Variants in GC observed in about 807,000 individuals in gnomAD.
GC encodes GC vitamin D binding protein.
A neutral mutation model predicts 56.7 loss-of-function variants in GC; 43 were observed. The ratio of observed to expected loss-of-function variants is 0.76; its 90% CI spans 0.59 to 0.98. GC has a LOEUF of 0.98. GC is among the 50% of genes least tolerant of loss of function. The pLI is 0.00. For synonymous variants in GC, 216 were observed against 202.7 expected (o/e 1.07, Z -0.56); for missense variants, 529 against 545.9 (o/e 0.97, Z 0.31).
intron 1 of GC, chr4:71,803,817 A>T (rs569567481): frequency 1.4e-6 from 1 of 707,168 alleles, no homozygotes; most frequent in East Asian, 2.7e-5. Context: ...CTTTGCACAG[A>T]AATCCTCTGT....
intron 6 of GC, among the ~76,000 whole-genome samples, chr4:71,762,788 C>T (rs558739452): frequency 5.9e-5 from 9 of 152,170 alleles, no homozygotes; most frequent in Non-Finnish European, 1.3e-4. Context: ...TAAGATGTGA[C>T]TTGCTCCTCC....
intron 12 of GC, among the ~76,000 whole-genome samples, chr4:71,745,042 G>A (rs774036137): frequency 6.6e-6 from 1 of 152,178 alleles, no homozygotes; most frequent in Non-Finnish European, 1.5e-5. Flanking sequence ...AGTAGTAGGA[G>A]CATCAGTGCA....
In GC at chr4:71,768,759, C is replaced by T. The variant is rs955077178; in HGVS notation, c.129-326G>A. Reference sequence around the variant, plus strand: ...GATTACAGGCGTGAGCCGCCGTGCCCGACCAGAACTGAAACTTTCTTTTTA... The same window carrying T: ...GATTACAGGCGTGAGCCGCCGTGCCTGACCAGAACTGAAACTTTCTTTTTA... On this transcript the variant is annotated intron_variant, in intron 2 of 12. Transcript: ENST00000273951. 3.3e-5 allele frequency among the ~76,000 whole-genome samples: 5 copies of T among 152,178 alleles called. No individual in the cohort carries two copies. The South Asian group carries it at 6.2e-4, about 19-fold the overall frequency.
chr4:71,789,635 G>A (rs1039362668), intron 1 of GC, among the ~76,000 whole-genome samples: 1 of 151,848 alleles, frequency 6.6e-6, no homozygotes, highest in Non-Finnish European at 1.5e-5. Context: ...CAGAATAATG[G>A]CCGACCAAAG....
intron 1 of GC, among the ~76,000 whole-genome samples, chr4:71,792,353 C>G (rs1742992693): frequency 6.6e-6 from 1 of 152,202 alleles, no homozygotes. Flanking sequence ...TTAATGATCA[C>G]CATTCTAACT....
At chr4:71,751,214 C>T (rs1465883053) in intron 11 of GC, among the ~76,000 whole-genome samples, 8 of 152,114 alleles carry the variant, frequency 5.3e-5, no homozygotes, top group African/African-American at 1.7e-4. Context: ...CACCCCTCAC[C>T]GTGAAAATAG....
chr4:71,760,999 C>T (rs114816426), intron 6 of GC, among the ~76,000 whole-genome samples: 2,882 of 152,100 alleles, frequency 0.019, 84 homozygotes, highest in African/African-American at 0.066. Flanking sequence ...ACCAGGAGTG[C>T]GGTGCTGCTG....
Position 71,752,191 on chromosome 4 carries a change from C to T in GC, c.1395+327G>A, listed in dbSNP as rs565898335. ...ACTGTATTCTTATTCTTCTCTTTTT[C>T]ATTTAAATAGGCTGTTACTAGGTTA... On this transcript the variant is annotated intron_variant, in intron 11 of 12. Transcript: ENST00000273951. 1.6e-4 allele frequency among the ~76,000 whole-genome samples: 25 copies of T among 152,158 alleles called. No homozygotes were observed. The South Asian group carries it at 2.5e-3, about 15-fold the overall frequency.
In GC at chr4:71,776,024, GA is replaced by G. The variant is rs1294273185; in HGVS notation, c.59-6625del. ...AGATAAGCATTGGCAAAAATGTGGA[GA>G]AAAGGGAACTCTTTTCCACTGTTGG... On this transcript the variant is annotated intron_variant, in intron 1 of 12. Coordinates refer to ENST00000273951, the MANE Select transcript of GC (RefSeq NM_000583.4). Among the ~76,000 whole-genome samples, 3 of 152,100 alleles carry G rather than the reference GA, an allele frequency of 2.0e-5. No individual in the cohort carries two copies. The East Asian group carries it at 5.8e-4, about 30-fold the overall frequency.
At chr4:71,761,828 T>A (rs538129935) in intron 6 of GC, among the ~76,000 whole-genome samples, 1 of 152,232 alleles carries the variant, frequency 6.6e-6, no homozygotes, top group South Asian at 2.1e-4. Flanking sequence ...AAGTCAAGAA[T>A]TGGGTTTTGG....
chr4:71,759,352 A>C (rs1047368685), intron 6 of GC, among the ~76,000 whole-genome samples: 1 of 152,154 alleles, frequency 6.6e-6, no homozygotes, highest in African/African-American at 2.4e-5. Flanking sequence ...GTTTTGAGGG[A>C]CTTCCATACT....
intron 1 of GC, among the ~76,000 whole-genome samples, chr4:71,779,604 G>A (rs138224124): frequency 1.3e-5 from 2 of 151,938 alleles, no homozygotes; most frequent in East Asian, 1.9e-4. Context: ...AAGAAGTTAG[G>A]TGACCAAAAA....
chr4:71,782,041 C>T (rs1047781238), intron 1 of GC, among the ~76,000 whole-genome samples: 3 of 151,674 alleles, frequency 2.0e-5, no homozygotes, highest in South Asian at 4.2e-4. Flanking sequence ...ACGACAAAGG[C>T]ATGAATTGTG....
At chr4:71,772,215 T>C (rs187605061) in intron 1 of GC, among the ~76,000 whole-genome samples, 1 of 152,252 alleles carries the variant, frequency 6.6e-6, no homozygotes, top group East Asian at 1.9e-4. Context: ...TCCCAAGGCT[T>C]ACTGTATTTT....
In GC at chr4:71,784,010, C is replaced by T. The variant is rs1742767511; in HGVS notation, c.9G>A (p.Arg3=). 6.2e-7 allele frequency: 1 copy of T among 1,602,876 alleles called. No individual in the cohort carries two copies. Among genetic ancestry groups the T allele is most frequent in the African/African-American group, 1.3e-5 (1 of 74,456 alleles). Residue 3 remains arginine, a synonymous_variant, in exon 1 of 13, where the codon AGG becomes AGA. Transcript: ENST00000273951. The part of the protein sequence containing the change: MK[R]VLVLLLAVAF... ...CCACAGCAAGCAGTAGTACCAGGACCCTCTTCATTTTTCTACCAGAGAGTC... is the reference window on the plus strand; with the variant it reads ...CCACAGCAAGCAGTAGTACCAGGACTCTCTTCATTTTTCTACCAGAGAGTC...
chr4:71,758,798 C>T (rs984626678), intron 6 of GC, among the ~76,000 whole-genome samples: 12 of 151,862 alleles, frequency 7.9e-5, no homozygotes, highest in Non-Finnish European at 1.8e-4. Context: ...ATTAAATTTA[C>T]TATCTTGACC....
intron 12 of GC, 79 bp downstream of exon 12, chr4:71,746,072 C>A: frequency 1.4e-6 from 1 of 700,606 alleles, no homozygotes; most frequent in Non-Finnish European, 2.6e-6. Flanking sequence ...TTATTAAAGT[C>A]TCCTTCCCAT....
At chr4:71,760,397 C>T (rs534482919) in intron 6 of GC, among the ~76,000 whole-genome samples, 13 of 151,872 alleles carry the variant, frequency 8.6e-5, no homozygotes, top group African/African-American at 2.4e-4. Context: ...TTATGCATTG[C>T]TGGCAAGAAG....
chr4:71,787,922 G>C (rs745313121), upstream of GC, among the ~76,000 whole-genome samples: 2 of 151,836 alleles, frequency 1.3e-5, no homozygotes, highest in Non-Finnish European at 2.9e-5. Flanking sequence ...TTTTGAGTAG[G>C]CAGCTGGGTC....
Sources: gnomAD v4.1 joint callset for allele counts (sites outside exome capture counted in the v4.1 genomes callset) on GRCh38, gnomAD v4.1.1 for gene constraint, MANE v1.5 for transcripts, NCBI Gene and HGNC (gene_info 2026-07-23, HGNC 2026-07-21) for gene names.